The following CADM2 variants were observed in gnomAD, a reference collection of about 807,000 sequenced individuals.
CADM2 encodes the protein cell adhesion molecule 2.
In CADM2, 12 loss-of-function variants were observed where a neutral mutation model predicts 49.8. The ratio of observed to expected loss-of-function variants is 0.24; its 90% CI spans 0.15 to 0.39. The LOEUF (loss-of-function observed/expected upper bound fraction) is 0.39, where lower values mean the gene tolerates loss of function less well. Among genes scored for constraint, CADM2 ranks in the 10% least tolerant of loss-of-function variants. The probability of loss-of-function intolerance (pLI) is 1.00; values close to 1 mark genes in which losing one functional copy is unlikely to be tolerated. For synonymous variants in CADM2, 214 were observed against 175.4 expected, an observed-to-expected ratio of 1.22 and a Z score of -1.74; for missense variants, 378 against 492.3, an observed-to-expected ratio of 0.77 and a Z score of 2.20.
chr3:85,178,172 T>C (rs998028921), intron 1 of CADM2, among the ~76,000 whole-genome samples: 1 of 151,944 alleles, frequency 6.6e-6, no homozygotes, highest in Non-Finnish European at 1.5e-5. Context: ...CCTTCATATA[T>C]ATGGGTTAAG....
intron 1 of CADM2, among the ~76,000 whole-genome samples, chr3:85,693,669 C>T (rs2066459868): frequency 7.2e-6 from 1 of 138,148 alleles, no homozygotes; most frequent in South Asian, 2.3e-4. Flanking sequence ...AGGTGGATCA[C>T]GAGGGCAGGA....
At chr3:85,728,095 G>A (rs1052266384) in intron 2 of CADM2, among the ~76,000 whole-genome samples, 5 of 152,012 alleles carry the variant, frequency 3.3e-5, no homozygotes, top group East Asian at 1.9e-4. Context: ...ATTATAATAC[G>A]CAGGCTGCTA....
chr3:85,112,996 T>G (rs909453228), intron 1 of CADM2, among the ~76,000 whole-genome samples: 2 of 151,974 alleles, frequency 1.3e-5, no homozygotes, highest in Non-Finnish European at 2.9e-5. Flanking sequence ...ATTATACACT[T>G]CTGGATTTAG....
intron 1 of CADM2, among the ~76,000 whole-genome samples, chr3:85,517,202 A>G (rs1291803090): frequency 1.3e-5 from 2 of 152,024 alleles, no homozygotes; most frequent in African/African-American, 2.4e-5. Context: ...AAAAAACACT[A>G]AATTTCAATT....
chr3:86,071,306 C>T lies in CADM2; in HGVS notation c.*4523C>T, dbSNP rs1007933567. The stretch of plus-strand genomic sequence containing the variant: ...TATCTTAATGGGAATTTTAAAATAT[C>T]TTTTCTTTTTCTATTCATTTTTTCC... On this transcript the variant is annotated 3_prime_UTR_variant, in exon 10 of 10. Coordinates refer to ENST00000383699, the MANE Select transcript of CADM2 (RefSeq NM_001167675.2). 1 of 151,820 alleles carries T rather than the reference C, an allele frequency of 6.6e-6. No individual in the cohort carries two copies. Among genetic ancestry groups the T allele is most frequent in the South Asian group, 2.1e-4 (1 of 4,820 alleles). 9.4% of individuals were successfully genotyped at this position (151,820 alleles called of 1,614,324 possible). A position where few individuals can be genotyped will look rare whatever the true frequency, so the allele number is the denominator to read the frequency against.
intron 2 of CADM2, among the ~76,000 whole-genome samples, chr3:85,773,768 C>A (rs137863660): frequency 6.6e-5 from 10 of 152,098 alleles, no homozygotes; most frequent in African/African-American, 2.4e-4. Context: ...TCGTGCCAAT[C>A]TTGATCATTC....
At chr3:85,555,972 A>G (rs552663751) in intron 1 of CADM2, among the ~76,000 whole-genome samples, 1 of 152,232 alleles carries the variant, frequency 6.6e-6, no homozygotes, top group South Asian at 2.1e-4. Flanking sequence ...TACATAACAT[A>G]TATATGATTT....
chr3:85,324,965 G>A (rs2044708079), intron 1 of CADM2, among the ~76,000 whole-genome samples: 1 of 152,212 alleles, frequency 6.6e-6, no homozygotes, highest in South Asian at 2.1e-4. Context: ...GCCCTCTGCA[G>A]CTGGTTCTGC....
At chr3:85,921,314 A>G (rs1236843775) in intron 6 of CADM2, among the ~76,000 whole-genome samples, 1 of 152,028 alleles carries the variant, frequency 6.6e-6, no homozygotes, top group African/African-American at 2.4e-5. Context: ...ATAAACACAC[A>G]CACATACACA....
At chr3:85,746,675 C>A (rs1189416266) in intron 2 of CADM2, among the ~76,000 whole-genome samples, 1 of 152,056 alleles carries the variant, frequency 6.6e-6, no homozygotes, top group East Asian at 1.9e-4. Flanking sequence ...AGTCTTATCC[C>A]AGTCCTAAGA....
chr3:85,313,900 A>G (rs535921765), intron 1 of CADM2, among the ~76,000 whole-genome samples: 6 of 152,146 alleles, frequency 3.9e-5, no homozygotes, highest in African/African-American at 1.4e-4. Flanking sequence ...TTATTTATTT[A>G]TTTATTTTGA....
chr3:85,948,228 T>C (rs1357275607), intron 7 of CADM2, among the ~76,000 whole-genome samples: 4 of 151,562 alleles, frequency 2.6e-5, no homozygotes, highest in Non-Finnish European at 4.4e-5. Context: ...GAATAATCAC[T>C]CAACATTTTA....
At chr3:85,055,831 T>A (rs988650792) in intron 1 of CADM2, among the ~76,000 whole-genome samples, 2 of 152,060 alleles carry the variant, frequency 1.3e-5, no homozygotes, top group African/African-American at 4.8e-5. Context: ...AAAAATGTAG[T>A]ATCTCAGGCC....
At chr3:85,892,368 A>G (rs534905864) in intron 5 of CADM2, among the ~76,000 whole-genome samples, 3 of 152,196 alleles carry the variant, frequency 2.0e-5, no homozygotes, top group Admixed American at 6.5e-5. Context: ...CACACAAATT[A>G]TAATATGTTC....
chr3:85,902,344 AT>A (rs1716237954), intron 5 of CADM2, among the ~76,000 whole-genome samples: 1 of 151,772 alleles, frequency 6.6e-6, no homozygotes, highest in Non-Finnish European at 1.5e-5. Flanking sequence ...CTAGCTTTCT[AT>A]TGCTTGCTGT....
intron 1 of CADM2, among the ~76,000 whole-genome samples, chr3:85,551,791 G>A (rs1576783972): frequency 6.6e-6 from 1 of 151,822 alleles, no homozygotes; most frequent in Non-Finnish European, 1.5e-5. Flanking sequence ...TTTCCTACTG[G>A]GTATATAATT....
intron 1 of CADM2, among the ~76,000 whole-genome samples, chr3:85,668,328 A>G (rs1312250035): frequency 1.3e-5 from 2 of 151,386 alleles, no homozygotes; most frequent in Non-Finnish European, 2.9e-5. Context: ...ACAAAAACAA[A>G]CACAAACAAA....
chr3:85,246,042 T>C (rs1248744219), intron 1 of CADM2, among the ~76,000 whole-genome samples: 1 of 152,208 alleles, frequency 6.6e-6, no homozygotes, highest in Admixed American at 6.5e-5. Flanking sequence ...AGACTGATAA[T>C]GTAAATAATT....
At chr3:85,254,752 A>G (rs2042847688) in intron 1 of CADM2, among the ~76,000 whole-genome samples, 1 of 152,086 alleles carries the variant, frequency 6.6e-6, no homozygotes, top group Non-Finnish European at 1.5e-5. Context: ...CAAGAGGAGG[A>G]ACACAAGAAG....
Sources: allele counts gnomAD v4.1 joint callset (sites outside exome capture counted in the v4.1 genomes callset), GRCh38; gene constraint gnomAD v4.1.1; transcripts MANE v1.5; gene names NCBI Gene and HGNC (gene_info 2026-07-23, HGNC 2026-07-21).